Variants in ARHGAP45 observed in about 807,000 individuals in gnomAD.
ARHGAP45 encodes the protein rho GTPase-activating protein 45.
ARHGAP45 carries 56 observed loss-of-function variants against 116.1 expected under a neutral mutation model. The ratio of observed to expected loss-of-function variants is 0.48; its 90% CI spans 0.39 to 0.60. ARHGAP45 has a LOEUF of 0.60. ARHGAP45 is among the 20% of genes least tolerant of loss of function. The pLI, the probability that ARHGAP45 is intolerant of heterozygous loss-of-function variation, is 0.00. For missense variants in ARHGAP45, 1,622 were observed against 1,601.0 expected (o/e 1.01, Z -0.22); for synonymous variants, 866 against 701.7 (o/e 1.23, Z -3.70).
Position 1,083,239 on chromosome 19 carries a change from C to T in ARHGAP45, c.2841C>T (p.Thr947=), listed in dbSNP as rs1319910047. ...TTCGGCCACGGCCCACCGAGGCCACCGTGTCCCTCTCCTCCCTGGTGGATT... is the reference window on the plus strand; with the variant it reads ...TTCGGCCACGGCCCACCGAGGCCACTGTGTCCCTCTCCTCCCTGGTGGATT... ...TLLRPRPTEA[T]VSLSSLVDYP... The change falls in exon 21 of 23, where the codon ACC becomes ACT. Residue 947 remains threonine (T), a synonymous_variant. Coordinates refer to ENST00000313093, the MANE Select transcript of ARHGAP45 (RefSeq NM_012292.5). The T allele has an allele frequency of 9.3e-6, 15 of 1,606,602 alleles. No homozygotes were observed. The highest frequency in any genetic ancestry group is 1.3e-5 in the Non-Finnish European group (15 of 1,176,998).
chr19:1,084,891 G>C (rs1044766916), intron 22 of ARHGAP45, among the ~76,000 whole-genome samples: 3 of 152,192 alleles, frequency 2.0e-5, no homozygotes, highest in Admixed American at 1.3e-4. Flanking sequence ...AGACCAGCCT[G>C]ACCAACATGG....
chr19:1,073,373 G>T, intron 3 of ARHGAP45, 81 bp downstream of exon 3: 1 of 1,586,606 alleles, frequency 6.3e-7, no homozygotes, highest in Non-Finnish European at 8.6e-7. Context: ...AGTGGGTTTT[G>T]AAGGATGCAT....
In ARHGAP45 at chr19:1,080,396, G is replaced by C. The variant is rs908399489; in HGVS notation, c.1828+17G>C. On this transcript the variant is annotated intron_variant, in intron 14 of 22. Transcript: ENST00000313093. Reference sequence around the variant, plus strand: ...ACCACAGGGGTGAGTGTCCGGCGGGGCCCAGGGGCGGACGCTGGCTCCCTG... The same window carrying C: ...ACCACAGGGGTGAGTGTCCGGCGGGCCCCAGGGGCGGACGCTGGCTCCCTG... 1 of 1,608,134 alleles carries C rather than the reference G, an allele frequency of 6.2e-7. No homozygotes were observed. The highest frequency in any genetic ancestry group is 8.5e-7 in the Non-Finnish European group (1 of 1,178,980).
At position 1,086,149 on chromosome 19, in the gene ARHGAP45, G is replaced by A. The variant is rs529543936; in HGVS notation, c.*143G>A. ...GCCTGGACTTCGACGTCCCACCAGCGGGCGCCTCCTCCCAGAGGCTTCCAG... is the reference window on the plus strand; with the variant it reads ...GCCTGGACTTCGACGTCCCACCAGCAGGCGCCTCCTCCCAGAGGCTTCCAG... On this transcript the variant is annotated 3_prime_UTR_variant, in exon 23 of 23. Coordinates refer to ENST00000313093, the MANE Select transcript of ARHGAP45 (RefSeq NM_012292.5). 1.9e-5 allele frequency: 14 copies of A among 718,034 alleles called. No individual in the cohort carries two copies. Among genetic ancestry groups the A allele is most frequent in the Non-Finnish European group, 3.0e-5 (13 of 439,928 alleles). The allele number at this position is 718,034 out of a possible 1,614,324, so 44.5% of individuals were successfully genotyped here.
At chr19:1,082,038 GGAGCTGGAGCAGGACT>G (rs927122548) in intron 19 of ARHGAP45, 77 bp downstream of exon 19, 110 of 1,513,536 alleles carry the variant, frequency 7.3e-5, no homozygotes, top group Admixed American at 2.2e-4. Flanking sequence ...TGGGGGTCCG[GGAGCTGGAGCAGGACT>G]GAGCTGGAGC....
At position 1,081,661 on chromosome 19, in the gene ARHGAP45, C is replaced by T; in HGVS notation, c.2302C>T (p.Arg768Cys). Residue 768 changes from arginine (R) to cysteine (C), a missense_variant, in exon 18 of 23, where the codon CGC (arginine) becomes TGC (cysteine). By Grantham distance (180) the Arg-to-Cys change is radical (BLOSUM62 -3). Around this residue, in one of 3 missense-constraint regions of ARHGAP45, gnomAD observed 1,334 missense variants for 1,263.8 expected, o/e 1.06. Transcript: ENST00000313093. ...CGGCCAGGACTTCAGCCACGCGGCCCGCAGCGCCCCCGACGGCGTGCCCTT... is the reference window on the plus strand; with the variant it reads ...CGGCCAGGACTTCAGCCACGCGGCCTGCAGCGCCCCCGACGGCGTGCCCTT... The part of the protein sequence containing the change: ...LFGQDFSHAA[R>C]SAPDGVPFIV... 1 of 1,583,278 alleles carries T rather than the reference C, an allele frequency of 6.3e-7. No individual in the cohort carries two copies. Among genetic ancestry groups the T allele is most frequent in the Non-Finnish European group, 8.6e-7 (1 of 1,165,420 alleles).
chr19:1,072,524 G>A (rs902667529), intron 2 of ARHGAP45, among the ~76,000 whole-genome samples: 7 of 152,168 alleles, frequency 4.6e-5, no homozygotes, highest in Admixed American at 3.3e-4. Flanking sequence ...CAAAGTGCTG[G>A]GGTCACAGGT....
chr19:1,081,523 G>A, intron 17 of ARHGAP45, 27 bp from the exon 18 acceptor site: 1 of 1,447,894 alleles, frequency 6.9e-7, no homozygotes, highest in Non-Finnish European at 9.1e-7. Flanking sequence ...CCCCGGGGCT[G>A]GGCTCACTCA....
chr19:1,077,440 A>G (rs2043282863), intron 10 of ARHGAP45: 1 of 1,003,530 alleles, frequency 1.0e-6, no homozygotes, highest in South Asian at 4.0e-5. Flanking sequence ...TGGTGCATGC[A>G]ATCTTGGCTC....
chr19:1,078,136 G>GT, intron 11 of ARHGAP45, 91 bp downstream of exon 11: 15 of 578,506 alleles, frequency 2.6e-5, no homozygotes, highest in Non-Finnish European at 3.4e-5. Context: ...CTTTGTTTTT[G>GT]TTTTTTTGTT....
chr19:1,073,619 A>G (rs757515110), intron 4 of ARHGAP45, 29 bp downstream of exon 4: 22 of 1,612,876 alleles, frequency 1.4e-5, no homozygotes, highest in Middle Eastern at 1.7e-4. Context: ...GGGGCAGGGC[A>G]AGGGAGCGTG....
chr19:1,085,522 GTC>G (rs1374375770), intron 22 of ARHGAP45, 136 bp from the exon 23 acceptor site: 9 of 627,492 alleles, frequency 1.4e-5, no homozygotes, highest in Non-Finnish European at 2.4e-5. Flanking sequence ...CATCTCTCCT[GTC>G]TCTCCCCATC....
Position 1,081,083 on chromosome 19 carries a change from C to A in ARHGAP45, c.2190+19C>A. 6.3e-7 allele frequency: 1 copy of A among 1,591,058 alleles called. No individual in the cohort carries two copies. Among genetic ancestry groups the A allele is most frequent in the Non-Finnish European group, 8.6e-7 (1 of 1,168,948 alleles). Reference sequence around the variant, plus strand: ...TGAAGAGGTGAGTGGGACGCCCCGACGGACAGCTGGGAGCCTTCGGGAGCC... The same window carrying A: ...TGAAGAGGTGAGTGGGACGCCCCGAAGGACAGCTGGGAGCCTTCGGGAGCC... On this transcript the variant is annotated intron_variant, in intron 17 of 22. Transcript: ENST00000313093.
chr19:1,074,786 C>T lies in ARHGAP45; in HGVS notation c.1105-13C>T, dbSNP rs760134288. The T allele has an allele frequency of 1.0e-5, 16 of 1,600,428 alleles. No homozygotes were observed. The highest frequency in any genetic ancestry group is 6.7e-5 in the South Asian group (6 of 88,934). ...GTCACCGGGGTACCCACTCACGGCCCGTCTCGCCCCAGCCCCTGACCCTGC... is the reference window on the plus strand; with the variant it reads ...GTCACCGGGGTACCCACTCACGGCCTGTCTCGCCCCAGCCCCTGACCCTGC... On this transcript the variant is annotated splice_polypyrimidine_tract_variant and intron_variant, in intron 9 of 22. Coordinates refer to ENST00000313093, the MANE Select transcript of ARHGAP45 (RefSeq NM_012292.5).
chr19:1,085,947 C>G lies in ARHGAP45; in HGVS notation c.3352C>G (p.Leu1118Val), dbSNP rs1246739345. The G allele has an allele frequency of 1.9e-6, 3 of 1,612,976 alleles. No homozygotes were observed. The highest frequency in any genetic ancestry group is 2.5e-6 in the Non-Finnish European group (3 of 1,179,942). The change falls in exon 23 of 23, where the codon CTC (leucine) becomes GTC (valine). Residue 1118 changes from leucine to valine, a missense_variant. Leu to Val is a conservative substitution (Grantham distance 32, BLOSUM62 1). Coordinates refer to ENST00000313093, the MANE Select transcript of ARHGAP45 (RefSeq NM_012292.5). The stretch of plus-strand genomic sequence containing the variant: ...GCAGGCCCCACTGCCCCCCATGAGG[C>G]TCCGTGGCGGGCGGATGACACTGGG... Reference protein sequence around the residue: ...VLQAPLPPMRLRGGRMTLGSC... With the variant: ...VLQAPLPPMRVRGGRMTLGSC...
At position 1,081,673 on chromosome 19, in the gene ARHGAP45, G is replaced by A; in HGVS notation, c.2314G>A (p.Asp772Asn). The A allele has an allele frequency of 6.3e-7, 1 of 1,585,666 alleles. No individual in the cohort carries two copies. The highest frequency in any genetic ancestry group is 8.6e-7 in the Non-Finnish European group (1 of 1,166,700). The change falls in exon 18 of 23, where the codon GAC becomes AAC. Residue 772 changes from aspartate to asparagine, a missense_variant. Around this residue, in one of 3 missense-constraint regions of ARHGAP45, gnomAD observed 1,334 missense variants for 1,263.8 expected, o/e 1.06. Transcript: ENST00000313093. ...CAGCCACGCGGCCCGCAGCGCCCCC[G>A]ACGGCGTGCCCTTCATCGTCAAGAA... ...DFSHAARSAP[D>N]GVPFIVKKCV...
At chr19:1,073,845 C>T in intron 5 of ARHGAP45, 99 bp downstream of exon 5, 2 of 1,531,252 alleles carry the variant, frequency 1.3e-6, no homozygotes, top group Non-Finnish European at 1.8e-6. Context: ...CCCCTGTGCG[C>T]CTTGGTTTCC....
rs2043080491 is a variant in ARHGAP45 at position 1,068,503 on chromosome 19, G to A, written c.180G>A (p.Gly60=). ...GGTCCTCCGGCGTCAAGGCCACAGG[G>A]ACCCTCAAGCGGCCCACCAGCCTGA... ...PAGSSGVKAT[G]TLKRPTSLSR... The change falls in exon 2 of 23, where the codon GGG becomes GGA. Residue 60 remains glycine, a synonymous_variant. Transcript: ENST00000313093. The surrounding 1 kb of genome is among the most constrained non-coding windows in gnomAD (Gnocchi z 7.5). 2 of 1,597,956 alleles carry A rather than the reference G, an allele frequency of 1.3e-6. No homozygotes were observed. The highest frequency in any genetic ancestry group is 1.8e-4 in the Middle Eastern group (1 of 5,548).
chr19:1,077,893 G>T lies in ARHGAP45; in HGVS notation c.1222G>T (p.Gly408Cys). 1 of 1,554,626 alleles carries T rather than the reference G, an allele frequency of 6.4e-7. No individual in the cohort carries two copies. Residue 408 changes from glycine to cysteine, a missense_variant, in exon 11 of 23, where the codon GGT becomes TGT. Gly to Cys is a radical substitution (Grantham distance 159). Around this residue, in one of 3 missense-constraint regions of ARHGAP45, gnomAD observed 1,334 missense variants for 1,263.8 expected, o/e 1.06. Coordinates refer to ENST00000313093, the MANE Select transcript of ARHGAP45 (RefSeq NM_012292.5). ...AESNLRKAKQ[G>C]YVQRCEDHDK... ...GTCCAACCTGCGCAAGGCCAAGCAG[G>T]GTTACGTGCAGCGCTGCGAGGACCA...
Sources: allele counts gnomAD v4.1 joint callset (sites outside exome capture counted in the v4.1 genomes callset), GRCh38; gene constraint gnomAD v4.1.1; regional missense constraint gnomAD v4.1.1; non-coding constraint Gnocchi (gnomAD v3.1); transcripts MANE v1.5; gene names NCBI Gene and HGNC (gene_info 2026-07-23, HGNC 2026-07-21).